VTI1A: variants seen among roughly 807,000 people sequenced by gnomAD.
The protein encoded by VTI1A is vesicle transport through interaction with t-SNAREs homolog 1A.
A neutral mutation model predicts 34.9 loss-of-function variants in VTI1A; 22 were observed. The observed-to-expected ratio is 0.63, with a 90% CI of 0.45 to 0.90. The LOEUF (loss-of-function observed/expected upper bound fraction) is 0.90, where lower values mean the gene tolerates loss of function less well. Ranked by LOEUF, VTI1A falls within the 40% of genes least tolerant of loss-of-function variation. VTI1A has a pLI of 0.00. For missense variants in VTI1A, 268 were observed against 275.6 expected (o/e 0.97, Z 0.20); for synonymous variants, 87 against 97.3 (o/e 0.89, Z 0.62).
At chr10:112,549,833 C>G (rs1016182311) in intron 5 of VTI1A, among the ~76,000 whole-genome samples, 1 of 151,926 alleles carries the variant, frequency 6.6e-6, no homozygotes, top group Non-Finnish European at 1.5e-5. Flanking sequence ...CAGTTACAAG[C>G]CTATTAAAGT....
intron 7 of VTI1A, among the ~76,000 whole-genome samples, chr10:112,743,093 G>T (rs1850754122): frequency 6.7e-6 from 1 of 148,698 alleles, no homozygotes; most frequent in Non-Finnish European, 1.5e-5. Context: ...AAAATGAATT[G>T]ATTTTTATTT....
intron 7 of VTI1A, among the ~76,000 whole-genome samples, chr10:112,784,166 T>G (rs1373011655): frequency 6.6e-6 from 1 of 152,246 alleles, no homozygotes; most frequent in African/African-American, 2.4e-5. Context: ...TTGTACTTTA[T>G]AACGTTCAAA....
intron 5 of VTI1A, among the ~76,000 whole-genome samples, chr10:112,666,800 T>C (rs565978331): frequency 6.6e-6 from 1 of 152,300 alleles, no homozygotes; most frequent in African/African-American, 2.4e-5. Flanking sequence ...GATGTTCTTA[T>C]ATCAATCAAT....
At chr10:112,454,253 G>T (rs1042620101) in intron 1 of VTI1A, among the ~76,000 whole-genome samples, 2 of 152,128 alleles carry the variant, frequency 1.3e-5, no homozygotes, top group African/African-American at 4.8e-5. Flanking sequence ...TTTAATGAGG[G>T]TGTTCTGTGC....
chr10:112,723,828 A>G (rs1286599467), intron 7 of VTI1A, among the ~76,000 whole-genome samples: 1 of 152,254 alleles, frequency 6.6e-6, no homozygotes, highest in Non-Finnish European at 1.5e-5. Flanking sequence ...TACAGTAGCA[A>G]TAGTCCTCCA....
At chr10:112,565,498 GA>G (rs1851877972) in intron 5 of VTI1A, among the ~76,000 whole-genome samples, 1 of 151,966 alleles carries the variant, frequency 6.6e-6, no homozygotes, top group African/African-American at 2.4e-5. Context: ...AAATAGCAGG[GA>G]AAGTCATGAT....
At chr10:112,812,473 C>G (rs563539386) in intron 7 of VTI1A, among the ~76,000 whole-genome samples, 1 of 152,354 alleles carries the variant, frequency 6.6e-6, no homozygotes, top group African/African-American at 2.4e-5. Flanking sequence ...AGGCCGGCAG[C>G]CCCTGGCTGC....
intron 5 of VTI1A, among the ~76,000 whole-genome samples, chr10:112,646,209 G>A (rs535168627): frequency 6.6e-6 from 1 of 151,686 alleles, no homozygotes; most frequent in East Asian, 1.9e-4. Context: ...TTAGTTTCAG[G>A]TCAATATTAT....
chr10:112,462,947 C>T lies in VTI1A; in HGVS notation c.154-1600C>T, dbSNP rs1450357163. ...TTATTTATTTATTTATTTATTGAGA[C>T]GGAGTCTCGCTCCATCGCCCAGGCT... is the stretch of plus-strand genomic sequence containing the variant. On this transcript the variant is annotated intron_variant, in intron 2 of 7. Coordinates refer to ENST00000393077, the MANE Select transcript of VTI1A (RefSeq NM_145206.4). Among the ~76,000 whole-genome samples the T allele has an allele frequency of 1.1e-4, 16 of 140,848 alleles. No individual in the cohort carries two copies. The East Asian group carries it at 2.3e-3, about 21-fold the overall frequency. 92.4% of individuals were successfully genotyped at this position (140,848 alleles called of 152,430 possible).
intron 3 of VTI1A, among the ~76,000 whole-genome samples, chr10:112,522,746 T>C (rs999610384): frequency 1.3e-5 from 2 of 152,102 alleles, no homozygotes; most frequent in African/African-American, 4.8e-5. Flanking sequence ...TGAAATATCC[T>C]GTCTGCCAGG....
chr10:112,541,720 T>C (rs1213268898), intron 5 of VTI1A, among the ~76,000 whole-genome samples: 1 of 152,242 alleles, frequency 6.6e-6, no homozygotes. Context: ...GCAGTCATTG[T>C]CTCTTCTGGA....
At chr10:112,740,987 A>G (rs1212711473) in intron 7 of VTI1A, among the ~76,000 whole-genome samples, 1 of 152,250 alleles carries the variant, frequency 6.6e-6, no homozygotes, top group Non-Finnish European at 1.5e-5. Context: ...ATGAACAGGA[A>G]TGAAGTACTA....
chr10:112,461,403 G>A (rs1367143966), intron 2 of VTI1A, among the ~76,000 whole-genome samples: 1 of 152,186 alleles, frequency 6.6e-6, no homozygotes, highest in Non-Finnish European at 1.5e-5. Flanking sequence ...AGCAGCATGA[G>A]AGAACCTTGG....
intron 1 of VTI1A, among the ~76,000 whole-genome samples, chr10:112,452,738 GT>G (rs770102039): frequency 0.01 from 1,414 of 137,706 alleles, 8 homozygotes; most frequent in Non-Finnish European, 0.015. Flanking sequence ...TTTTGTTTTT[GT>G]TTTTTTTTTT....
At chr10:112,789,463 A>G (rs909913377) in intron 7 of VTI1A, among the ~76,000 whole-genome samples, 1 of 152,036 alleles carries the variant, frequency 6.6e-6, no homozygotes, top group African/African-American at 2.4e-5. Flanking sequence ...TTGTCTTGCT[A>G]TTTTCAAGAG....
chr10:112,531,744 T>C (rs1461065575), intron 4 of VTI1A, among the ~76,000 whole-genome samples: 1 of 152,140 alleles, frequency 6.6e-6, no homozygotes, highest in Non-Finnish European at 1.5e-5. Context: ...AACCAAAGAA[T>C]AGTGCCCCCA....
chr10:112,841,087 C>G, the VTI1A span, among the ~76,000 whole-genome samples: 5 of 152,138 alleles, frequency 3.3e-5, no homozygotes, highest in African/African-American at 1.2e-4. Flanking sequence ...CAGGAGGATG[C>G]ATGTAGGCAC....
intron 3 of VTI1A, among the ~76,000 whole-genome samples, chr10:112,493,738 C>A (rs983305304): frequency 6.6e-6 from 1 of 152,020 alleles, no homozygotes; most frequent in Non-Finnish European, 1.5e-5. Context: ...GTTGTTTTTG[C>A]CCTTTATTGT....
intron 5 of VTI1A, among the ~76,000 whole-genome samples, chr10:112,666,411 T>G (rs890975233): frequency 6.6e-6 from 1 of 152,184 alleles, no homozygotes. Flanking sequence ...GAAACACAAA[T>G]TCTTCTGTTA....
Sources: gnomAD v4.1 joint callset for allele counts (sites outside exome capture counted in the v4.1 genomes callset) on GRCh38, gnomAD v4.1.1 for gene constraint, MANE v1.5 for transcripts, NCBI Gene and HGNC (gene_info 2026-07-23, HGNC 2026-07-21) for gene names.